The following ANGPTL2 variants were observed in gnomAD, a reference collection of about 807,000 sequenced individuals.
The protein encoded by ANGPTL2 is angiopoietin like 2.
In ANGPTL2, 25 loss-of-function variants were observed where a neutral mutation model predicts 52.8. That is an observed-to-expected ratio of 0.47 (90% CI 0.35 to 0.66). The LOEUF (loss-of-function observed/expected upper bound fraction) is 0.66, where lower values mean the gene tolerates loss of function less well. ANGPTL2 is among the 30% of genes least tolerant of loss of function. The pLI, the probability that ANGPTL2 is intolerant of heterozygous loss-of-function variation, is 0.01. For missense variants in ANGPTL2, 546 were observed against 656.9 expected (o/e 0.83, Z 1.84); for synonymous variants, 276 against 277.4 (o/e 1.00, Z 0.05).
chr9:127,103,345 T>C (rs1414499588), intron 2 of ANGPTL2, among the ~76,000 whole-genome samples: 1 of 152,222 alleles, frequency 6.6e-6, no homozygotes, highest in Non-Finnish European at 1.5e-5. Context: ...GGCTTCCTGC[T>C]AGCACTCTTG....
intron 3 of ANGPTL2, among the ~76,000 whole-genome samples, chr9:127,092,531 A>G (rs13283040): frequency 6.6e-6 from 1 of 152,130 alleles, no homozygotes; most frequent in Non-Finnish European, 1.5e-5. Flanking sequence ...ATTCATTAAT[A>G]CAATAATTAT....
Position 127,108,201 on chromosome 9 carries a change from C to T in ANGPTL2, c.531G>A (p.Lys177=), listed in dbSNP as rs978909963. The change falls in exon 2 of 5, where the codon AAG becomes AAA. Residue 177 remains lysine, a synonymous_variant. Transcript: ENST00000373425. ...ADMLQLASKY[K]DLEHKYQHLA... ...GGTGCTGGTACTTGTGCTCCAGGTC[C>T]TTGTACTTGCTGGCCAGCTGCAGCA... 7 of 1,613,942 alleles carry T rather than the reference C, an allele frequency of 4.3e-6. No individual in the cohort carries two copies. In the Admixed American group the frequency reaches 1.2e-4, roughly 27 times the overall value.
intron 1 of ANGPTL2, 32 bp from the exon 2 acceptor site, chr9:127,108,812 G>T: frequency 7.1e-7 from 1 of 1,409,424 alleles, no homozygotes; most frequent in Admixed American, 2.1e-5. Flanking sequence ...AATCAGTGAT[G>T]GTCCCACCAC....
chr9:127,121,526 C>T (rs962850815), intron 1 of ANGPTL2, among the ~76,000 whole-genome samples: 2 of 152,240 alleles, frequency 1.3e-5, no homozygotes, highest in Non-Finnish European at 2.9e-5. Flanking sequence ...AGAGCTGACC[C>T]ATGACACACA....
chr9:127,104,222 A>G (rs565100403), intron 2 of ANGPTL2, among the ~76,000 whole-genome samples: 26 of 152,306 alleles, frequency 1.7e-4, no homozygotes, highest in African/African-American at 5.8e-4. Context: ...TGGTCTTTAA[A>G]GATTAGTTTC....
intron 1 of ANGPTL2, among the ~76,000 whole-genome samples, chr9:127,119,172 T>C (rs2055779783): frequency 6.6e-6 from 1 of 152,186 alleles, no homozygotes; most frequent in Non-Finnish European, 1.5e-5. Context: ...GTTCCTCTTG[T>C]CACTGACCAT....
At position 127,107,967 on chromosome 9, in the gene ANGPTL2, C is replaced by A; in HGVS notation, c.765G>T (p.Leu255=). 6.4e-7 allele frequency: 1 copy of A among 1,568,550 alleles called. No individual in the cohort carries two copies. Among genetic ancestry groups the A allele is most frequent in the Admixed American group, 1.7e-5 (1 of 57,906 alleles). Reference sequence around the variant, plus strand: ...GGCTGGTGAGAGTGGGCATAGTGGGCAGAGGGGGTGGCAGCACCTTCAGGT... The same window carrying A: ...GGCTGGTGAGAGTGGGCATAGTGGGAAGAGGGGGTGGCAGCACCTTCAGGT... ...DQNLKVLPPP[L]PTMPTLTSLP... The change falls in exon 2 of 5, where the codon CTG becomes CTT. Residue 255 remains leucine (L), a synonymous_variant. Transcript: ENST00000373425.
intron 2 of ANGPTL2, among the ~76,000 whole-genome samples, chr9:127,105,916 A>G (rs2054173839): frequency 6.6e-6 from 1 of 152,218 alleles, no homozygotes; most frequent in South Asian, 2.1e-4. Context: ...ACATGACATA[A>G]TGTTTCATGC....
At chr9:127,090,901 A>G (rs182274781) in intron 4 of ANGPTL2, among the ~76,000 whole-genome samples, 52 of 152,292 alleles carry the variant, frequency 3.4e-4, no homozygotes, top group Middle Eastern at 3.4e-3. Context: ...GGGCCAGACC[A>G]TATCTCTGTT....
chr9:127,090,685 C>T (rs1240649877), intron 4 of ANGPTL2, among the ~76,000 whole-genome samples: 3 of 152,208 alleles, frequency 2.0e-5, no homozygotes, highest in African/African-American at 7.2e-5. Flanking sequence ...GAGTAGCCTT[C>T]TGACCAAGAC....
chr9:127,100,408 T>C (rs576822072), intron 2 of ANGPTL2, among the ~76,000 whole-genome samples: 1 of 152,322 alleles, frequency 6.6e-6, no homozygotes, highest in East Asian at 1.9e-4. Context: ...AGCACTACTT[T>C]CCAGAGGCCA....
At chr9:127,089,396 G>T (rs2052173871) in intron 4 of ANGPTL2, among the ~76,000 whole-genome samples, 1 of 152,190 alleles carries the variant, frequency 6.6e-6, no homozygotes, top group Non-Finnish European at 1.5e-5. Context: ...TCTGTAAAAT[G>T]AGAATAAAAA....
chr9:127,100,736 C>T (rs1330532017), intron 2 of ANGPTL2, among the ~76,000 whole-genome samples: 1 of 152,174 alleles, frequency 6.6e-6, no homozygotes, highest in Non-Finnish European at 1.5e-5. Flanking sequence ...CTTATCAGAC[C>T]CATGACTACA....
In ANGPTL2 at chr9:127,089,087, T is replaced by C. The variant is rs1005556992; in HGVS notation, c.1334A>G (p.His445Arg). The change falls in exon 5 of 5, where the codon CAC (histidine) becomes CGC (arginine). Residue 445 changes from histidine to arginine, a missense_variant. Transcript: ENST00000373425. Reference sequence around the variant, plus strand: ...GTACCAGACCCCGTTGAGGTTGGAGTGGGCACAGGCGTTATACCACCAGCC... The same window carrying C: ...GTACCAGACCCCGTTGAGGTTGGAGCGGGCACAGGCGTTATACCACCAGCC... ...KGGWWYNACAHSNLNGVWYRG... is the reference protein window; with the variant it reads ...KGGWWYNACARSNLNGVWYRG... 3 of 1,613,830 alleles carry C rather than the reference T, an allele frequency of 1.9e-6. No individual in the cohort carries two copies. The highest frequency in any genetic ancestry group is 2.5e-6 in the Non-Finnish European group (3 of 1,180,000).
At position 127,108,287 on chromosome 9, in the gene ANGPTL2, G is replaced by A. The variant is rs568583240; in HGVS notation, c.445C>T (p.Arg149Trp). ...MQLLHEIIRK[R>W]DNALELSQLE... ...TGGGAGAGCTCCAACGCGTTGTCCC[G>A]CTTGCGGATGATCTCGTGCAGGAGC... is the stretch of plus-strand genomic sequence containing the variant. Residue 149 changes from arginine to tryptophan, a missense_variant, in exon 2 of 5, where the codon CGG becomes TGG. By Grantham distance (101) the Arg-to-Trp change is moderately radical (BLOSUM62 -3). Transcript: ENST00000373425. The A allele has an allele frequency of 8.1e-6, 13 of 1,613,968 alleles. No individual in the cohort carries two copies. Among genetic ancestry groups the A allele is most frequent in the African/African-American group, 1.3e-5 (1 of 74,980 alleles).
At position 127,088,710 on chromosome 9, in the gene ANGPTL2, T is replaced by C; in HGVS notation, c.*229A>G. The C allele has an allele frequency of 1.7e-6, 1 of 590,488 alleles. No homozygotes were observed. 36.6% of individuals were successfully genotyped at this position (590,488 alleles called of 1,614,324 possible). A position where few individuals can be genotyped will look rare whatever the true frequency, so the allele number is the denominator to read the frequency against. Reference sequence around the variant, plus strand: ...AAGAGTTGTCTGTAGTCCTGTCCTGTCCTGGAGACATGAGGGGCTGTCTGG... The same window carrying C: ...AAGAGTTGTCTGTAGTCCTGTCCTGCCCTGGAGACATGAGGGGCTGTCTGG... On this transcript the variant is annotated 3_prime_UTR_variant, in exon 5 of 5. Transcript: ENST00000373425.
intron 1 of ANGPTL2, among the ~76,000 whole-genome samples, chr9:127,119,582 C>T (rs575334533): frequency 7.7e-4 from 117 of 152,294 alleles, no homozygotes; most frequent in Non-Finnish European, 1.3e-3. Context: ...AAAACTAGAA[C>T]CTACCTTCTA....
rs190429652 is a variant in ANGPTL2 at position 127,089,303 on chromosome 9, C to T, written c.1283-165G>A. Among the ~76,000 whole-genome samples the T allele has an allele frequency of 3.9e-5, 6 of 152,286 alleles. No homozygotes were observed. The South Asian group carries it at 8.3e-4, about 21-fold the overall frequency. ...GTGGTGAGAGGCCATGCTTCAGGCC[C>T]GCCTTTGAGGCTCAGCTTTGTAACT... On this transcript the variant is annotated intron_variant, in intron 4 of 4. Transcript: ENST00000373425.
At chr9:127,111,620 A>G (rs1323786698) in intron 1 of ANGPTL2, among the ~76,000 whole-genome samples, 2 of 152,250 alleles carry the variant, frequency 1.3e-5, no homozygotes, top group Non-Finnish European at 2.9e-5. Flanking sequence ...TATTAATAAC[A>G]TCCATTGACC....
Sources: gnomAD v4.1 joint callset for allele counts (sites outside exome capture counted in the v4.1 genomes callset) on GRCh38, gnomAD v4.1.1 for gene constraint, MANE v1.5 for transcripts, NCBI Gene and HGNC (gene_info 2026-07-23, HGNC 2026-07-21) for gene names.